KMT2D: variants seen among roughly 807,000 people sequenced by gnomAD.
The protein encoded by KMT2D is histone-lysine N-methyltransferase 2D.
A neutral mutation model predicts 512.7 loss-of-function variants in KMT2D; 55 were observed. The observed-to-expected ratio is 0.11, with a 90% CI of 0.09 to 0.13. The LOEUF (loss-of-function observed/expected upper bound fraction) is 0.13. KMT2D is among the 10% of genes least tolerant of loss of function. The pLI, the probability that KMT2D is intolerant of heterozygous loss-of-function variation, is 1.00. For synonymous variants in KMT2D, 2,995 were observed against 2,904.0 expected (o/e 1.03, Z -1.01); for missense variants, 6,061 against 7,127.9 (o/e 0.85, Z 5.39).
Position 49,046,181 on chromosome 12 carries a change from A to G in KMT2D, c.4584-7T>C, listed in dbSNP as rs2120602242. On this transcript the variant is annotated splice_polypyrimidine_tract_variant and splice_region_variant and intron_variant, in intron 17 of 54. Coordinates refer to ENST00000301067, the MANE Select transcript of KMT2D (RefSeq NM_003482.4). The surrounding 1 kb of genome is among the most constrained non-coding windows in gnomAD (Gnocchi z 4.2). ...ACAGCCTGCATGCATCCACCTGGAG[A>G]ACAGAGACTGGAGGAAATAAGCTCA... The G allele has an allele frequency of 6.2e-7, 1 of 1,611,974 alleles. No individual in the cohort carries two copies.
rs754522564 is a variant in KMT2D, at chr12:49,050,193, C to T, written c.3395G>A (p.Gly1132Asp). ...TAPLDGIDAP[G>D]SQPEPGQTPG... ...GGTCTGTCCAGGCTCTGGCTGTGAA[C>T]CCGGAGCATCAATCCCATCCAGAGG... The change falls in exon 12 of 55, where the codon GGT becomes GAT. Residue 1132 changes from glycine (G) to aspartate (D), a missense_variant. Gly to Asp is a moderately conservative substitution (Grantham distance 94, BLOSUM62 -1). This residue lies in a region of KMT2D where 447 missense variants were observed against 500.1 expected (regional missense o/e 0.89). Coordinates refer to ENST00000301067, the MANE Select transcript of KMT2D (RefSeq NM_003482.4). The T allele has an allele frequency of 6.2e-7, 1 of 1,613,816 alleles. No homozygotes were observed. Among genetic ancestry groups the T allele is most frequent in the East Asian group, 2.2e-5 (1 of 44,872 alleles).
At position 49,049,675 on chromosome 12, in the gene KMT2D, C is replaced by G; in HGVS notation, c.3906+7G>C. 1 of 1,571,420 alleles carries G rather than the reference C, an allele frequency of 6.4e-7. No homozygotes were observed. Among genetic ancestry groups the G allele is most frequent in the South Asian group, 1.2e-5 (1 of 85,612 alleles). On this transcript the variant is annotated splice_region_variant and intron_variant, in intron 12 of 54. Coordinates refer to ENST00000301067, the MANE Select transcript of KMT2D (RefSeq NM_003482.4). ...TAATCACATCCCGCAGCTAGATAGCCCCTCACCTGTTTGATGCGGGAACGG... is the reference window on the plus strand; with the variant it reads ...TAATCACATCCCGCAGCTAGATAGCGCCTCACCTGTTTGATGCGGGAACGG...
rs1201194026 is a variant in KMT2D at position 49,040,819 on chromosome 12, A to G, written c.6951T>C (p.Gly2317=). 4 of 1,613,604 alleles carry G rather than the reference A, an allele frequency of 2.5e-6. No homozygotes were observed. In the African/African-American group the frequency reaches 5.3e-5, roughly 22 times the overall value. ...CATCAGGTGTCTTTAACTCCAGGCC[A>G]CCCAGGTGGGTGCCTGAGGAGGGTG... is the stretch of plus-strand genomic sequence containing the variant. ...VDSPSSGTHL[G]GLELKTPDVF... Residue 2317 remains glycine (G), a synonymous_variant, in exon 32 of 55, where the codon GGT becomes GGC. Transcript: ENST00000301067.
chr12:49,032,106 T>C lies in KMT2D; in HGVS notation c.12599A>G (p.Gln4200Arg). 1 of 1,613,854 alleles carries C rather than the reference T, an allele frequency of 6.2e-7. No individual in the cohort carries two copies. The highest frequency in any genetic ancestry group is 8.5e-7 in the Non-Finnish European group (1 of 1,179,832). ...GTTTTTGGCCAGGACTCCTTGGAGC[T>C]GTGCTCGAAGCTGACCCACCGTAGG... The part of the protein sequence containing the change: ...IMPTVGQLRA[Q>R]LQGVLAKNPQ... Residue 4200 changes from glutamine to arginine, a missense_variant, in exon 40 of 55, where the codon CAG becomes CGG. Around this residue, in one of 16 missense-constraint regions of KMT2D, gnomAD observed 1,600 missense variants for 1,754.9 expected, o/e 0.91. Transcript: ENST00000301067.
intron 13 of KMT2D, 66 bp from the exon 14 acceptor site, chr12:49,048,835 T>C: frequency 1.8e-6 from 2 of 1,110,354 alleles, no homozygotes; most frequent in Non-Finnish European, 2.7e-6. Context: ...ACTTTCCTCT[T>C]TGGTGTTGGG....
rs747613171 is a variant in KMT2D at position 49,046,740 on chromosome 12, C to T, written c.4287G>A (p.Val1429=). The T allele has an allele frequency of 6.2e-7, 1 of 1,613,878 alleles. No homozygotes were observed. The highest frequency in any genetic ancestry group is 8.5e-7 in the Non-Finnish European group (1 of 1,179,896). ...LKGWRCVECI[V]CEVCGQASDP... ...CGGAGGCCTGGCCACACACCTCACACACAATACACTCCACACAACGCCAGC... is the reference window on the plus strand; with the variant it reads ...CGGAGGCCTGGCCACACACCTCACATACAATACACTCCACACAACGCCAGC... The change falls in exon 16 of 55, where the codon GTG becomes GTA. Residue 1429 remains valine, a synonymous_variant. Coordinates refer to ENST00000301067, the MANE Select transcript of KMT2D (RefSeq NM_003482.4). This position sits in a 1 kb window ranked among gnomAD's most constrained non-coding sequence, Gnocchi z 4.2.
chr12:49,048,640 AGGTCTCACT>A lies in KMT2D; in HGVS notation c.4131+10_4131+18del, dbSNP rs749392952. The A allele has an allele frequency of 4.1e-6, 6 of 1,472,206 alleles. No individual in the cohort carries two copies. Among genetic ancestry groups the A allele is most frequent in the Non-Finnish European group, 5.7e-6 (6 of 1,050,694 alleles). 91.2% of individuals were successfully genotyped at this position (1,472,206 alleles called of 1,614,324 possible). ...ACACATACACAATGTTCAGTGTGCC[AGGTCTCACT>A]GTATGGTACCTGCATTAGGACAAAT... On this transcript the variant is annotated intron_variant, in intron 14 of 54. Transcript: ENST00000301067.
At position 49,043,686 on chromosome 12, in the gene KMT2D, C is replaced by T. The variant is rs1356371701; in HGVS notation, c.5416G>A (p.Ala1806Thr). ...RPSFGLGTPK[A>T]KGDGGSERKE... Reference sequence around the variant, plus strand: ...CTTTCTGAGCCTCCATCTCCCTTGGCTTTTGGGGTCCCTAGTCCAAAGCTT... The same window carrying T: ...CTTTCTGAGCCTCCATCTCCCTTGGTTTTTGGGGTCCCTAGTCCAAAGCTT... Residue 1806 changes from alanine to threonine, a missense_variant, in exon 24 of 55, where the codon GCC (alanine) becomes ACC (threonine). By Grantham distance (58) the Ala-to-Thr change is moderately conservative (BLOSUM62 0). This residue lies in a region of KMT2D where 640 missense variants were observed against 814.3 expected (regional missense o/e 0.79). Coordinates refer to ENST00000301067, the MANE Select transcript of KMT2D (RefSeq NM_003482.4). The T allele has an allele frequency of 6.2e-7, 1 of 1,614,050 alleles. No individual in the cohort carries two copies. Among genetic ancestry groups the T allele is most frequent in the Admixed American group, 1.7e-5 (1 of 60,022 alleles).
intron 7 of KMT2D, 58 bp downstream of exon 7, chr12:49,053,418 A>G (rs1938204447): frequency 6.2e-7 from 1 of 1,610,052 alleles, no homozygotes; most frequent in East Asian, 2.2e-5. Context: ...GACTGCCCTC[A>G]TTTTCAACCC....
At position 49,049,856 on chromosome 12, in the gene KMT2D, G is replaced by A. The variant is rs919795155; in HGVS notation, c.3732C>T (p.Val1244=). The A allele has an allele frequency of 7.4e-6, 12 of 1,613,940 alleles. No homozygotes were observed. The highest frequency in any genetic ancestry group is 1.0e-5 in the Non-Finnish European group (12 of 1,179,888). Residue 1244 remains valine, a synonymous_variant, in exon 12 of 55, where the codon GTC becomes GTT. Coordinates refer to ENST00000301067, the MANE Select transcript of KMT2D (RefSeq NM_003482.4). ...GGGSLSMELG[V]STDVSPARDE... ...CTCGGGCTGGACTAACATCCGTAGA[G>A]ACCCCCAACTCCATGGACAGGGAGC...
chr12:49,056,012 C>G (rs1442581449), intron 1 of KMT2D, among the ~76,000 whole-genome samples: 4 of 152,242 alleles, frequency 2.6e-5, no homozygotes, highest in Non-Finnish European at 5.9e-5. Context: ...AACCCCCGGC[C>G]CATGCCCTAA....
chr12:49,030,684 T>A lies in KMT2D; in HGVS notation c.13756A>T (p.Asn4586Tyr), dbSNP rs1341876968. The A allele has an allele frequency of 3.1e-6, 5 of 1,613,260 alleles. No homozygotes were observed. The highest frequency in any genetic ancestry group is 4.2e-6 in the Non-Finnish European group (5 of 1,179,834). Residue 4586 changes from asparagine to tyrosine, a missense_variant, in exon 42 of 55, where the codon AAT (asparagine) becomes TAT (tyrosine). Around this residue, in one of 16 missense-constraint regions of KMT2D, gnomAD observed 1,600 missense variants for 1,754.9 expected, o/e 0.91. Transcript: ENST00000301067. ...FAPFGSGCPV[N>Y]GQSQLRGAFG... The stretch of plus-strand genomic sequence containing the variant: ...GCCCCCCTCAGCTGGCTCTGCCCAT[T>A]GACTGGGCAGCCACTGCCAAAGGGG...
Position 49,039,197 on chromosome 12 carries a change from C to T in KMT2D, c.8366+25G>A. ...TAAAATCCATCCCCCTTGGTTTACC[C>T]CCAGGGAACCTCCTGGAGCCTCACC... is the stretch of plus-strand genomic sequence containing the variant. On this transcript the variant is annotated intron_variant, in intron 34 of 54. Coordinates refer to ENST00000301067, the MANE Select transcript of KMT2D (RefSeq NM_003482.4). This position sits in a 1 kb window ranked among gnomAD's most constrained non-coding sequence, Gnocchi z 5.0. 1 of 1,612,456 alleles carries T rather than the reference C, an allele frequency of 6.2e-7. No homozygotes were observed. Among genetic ancestry groups the T allele is most frequent in the Non-Finnish European group, 8.5e-7 (1 of 1,179,322 alleles).
chr12:49,036,313 CTTTTT>C (rs766450235), intron 35 of KMT2D, among the ~76,000 whole-genome samples: 1 of 136,556 alleles, frequency 7.3e-6, no homozygotes, highest in Admixed American at 7.4e-5. Context: ...ATCCCAATCG[CTTTTT>C]TTTTTTTTTT....
rs1158681516 is a variant in KMT2D, at chr12:49,032,932, G to C, written c.11773C>G (p.Gln3925Glu). ...QQQQQLQQQQ[Q>E]LQQQQLQQQQ... ...TGTTGAAGCTGTTGCTGCTGAAGTT[G>C]CTGTTGCTGTTGTAGCTGCTGCTGC... The change falls in exon 40 of 55, where the codon CAA (glutamine) becomes GAA (glutamate). Residue 3925 changes from glutamine to glutamate, a missense_variant. By Grantham distance (29) the Gln-to-Glu change is conservative (BLOSUM62 2). Around this residue, in one of 16 missense-constraint regions of KMT2D, gnomAD observed 1,600 missense variants for 1,754.9 expected, o/e 0.91. Transcript: ENST00000301067. 6.5e-7 allele frequency: 1 copy of C among 1,550,340 alleles called. No homozygotes were observed. Among genetic ancestry groups the C allele is most frequent in the Non-Finnish European group, 8.7e-7 (1 of 1,146,916 alleles).
chr12:49,028,225 G>C (rs1034694235), intron 46 of KMT2D, 84 bp from the exon 47 acceptor site: 69 of 1,561,122 alleles, frequency 4.4e-5, no homozygotes, highest in Non-Finnish European at 5.9e-5. Context: ...TGGGGACAAG[G>C]ACACCTAGAA....
chr12:49,033,304 T>G lies in KMT2D; in HGVS notation c.11401A>C (p.Met3801Leu), dbSNP rs564097272. 1.7e-5 allele frequency: 27 copies of G among 1,589,798 alleles called. No individual in the cohort carries two copies. The African/African-American group carries it at 3.5e-4, about 21-fold the overall frequency. ...SPQPPQGPQGMLGPAQVAVLQ... is the reference protein window; with the variant it reads ...SPQPPQGPQGLLGPAQVAVLQ... ...ACAGCCACCTGGGCAGGGCCCAGCA[T>G]GCCCTGGGGCCCCTGGGGTGGTTGA... The change falls in exon 40 of 55, where the codon ATG (methionine) becomes CTG (leucine). Residue 3801 changes from methionine (M) to leucine (L), a missense_variant. Transcript: ENST00000301067.
At position 49,033,122 on chromosome 12, in the gene KMT2D, TTGCTGC is replaced by T. The variant is rs748986705; in HGVS notation, c.11577_11582del (p.Gln3862_Gln3863del). 6 of 1,551,148 alleles carry T rather than the reference TTGCTGC, an allele frequency of 3.9e-6. No homozygotes were observed. The highest frequency in any genetic ancestry group is 2.0e-5 in the Admixed American group (1 of 50,966). On this transcript the variant is annotated inframe_deletion, in exon 40 of 55. Transcript: ENST00000301067. The stretch of plus-strand genomic sequence containing the variant: ...TGGACCCTTGCTGTTGGTGCTGTTG[TTGCTGC>T]TGCTGCTGCTGGGCTGTGACCAGCC...
rs780197677 is a variant in KMT2D, at chr12:49,055,286, T to G, written c.39A>C (p.Ser13=). Residue 13 remains serine, a synonymous_variant, in exon 2 of 55, where the codon TCA becomes TCC. Coordinates refer to ENST00000301067, the MANE Select transcript of KMT2D (RefSeq NM_003482.4). ...SQKLAGEDKD[S]EPAADGPAAS... ...ATTTGTCCTACTCACCTGCCGGTTC[T>G]GAATCTTTATCCTCACCAGCCAGCT... is the stretch of plus-strand genomic sequence containing the variant. 6.2e-7 allele frequency: 1 copy of G among 1,614,062 alleles called. No homozygotes were observed. The highest frequency in any genetic ancestry group is 8.5e-7 in the Non-Finnish European group (1 of 1,179,880).
Sources: allele counts gnomAD v4.1 joint callset (sites outside exome capture counted in the v4.1 genomes callset), GRCh38; gene constraint gnomAD v4.1.1; regional missense constraint gnomAD v4.1.1; non-coding constraint Gnocchi (gnomAD v3.1); transcripts MANE v1.5; gene names NCBI Gene and HGNC (gene_info 2026-07-23, HGNC 2026-07-21).